BAG1: variants seen among roughly 807,000 people sequenced by gnomAD.
BAG1 encodes BAG cochaperone 1, also known as BAG family molecular chaperone regulator 1.
In BAG1, 35 loss-of-function variants were observed where a neutral mutation model predicts 35.5. That is an observed-to-expected ratio of 0.99 (90% CI 0.75 to 1.31). The LOEUF is 1.31. BAG1 is among the 50% of genes most tolerant of loss of function. The pLI is 0.00. For synonymous variants in BAG1, 191 were observed against 178.9 expected (o/e 1.07, Z -0.54); for missense variants, 464 against 453.6 (o/e 1.02, Z -0.21).
At position 33,264,498 on chromosome 9, in the gene BAG1, G is replaced by A. The variant is rs1820665886; in HGVS notation, c.177C>T (p.Pro59=). 1 of 1,608,454 alleles carries A rather than the reference G, an allele frequency of 6.2e-7. No individual in the cohort carries two copies. Among genetic ancestry groups the A allele is most frequent in the African/African-American group, 1.3e-5 (1 of 74,860 alleles). The change falls in exon 1 of 7, where the codon CCC becomes CCT. Residue 59 remains proline, a synonymous_variant. Transcript: ENST00000634734. ...GAGCGCCGGCGGCGGCGCCCCTGGT[G>A]GGTCGGTCATGCCCGCTGGCAGTAC...
rs12340788 is a variant in BAG1, at chr9:33,262,077, G to A, written c.580+625C>T. ...TGCAAAAATAGCAGGGAGTACCATG[G>A]TAACATATAATGGGAAGATGATCTA... is the stretch of plus-strand genomic sequence containing the variant. On this transcript the variant is annotated intron_variant, in intron 2 of 6. Transcript: ENST00000634734. The A allele has an allele frequency of 0.015, 18,942 of 1,269,618 alleles. 1,549 individuals carry two copies. The African/African-American group carries it at 0.21, about 14-fold the overall frequency. 78.6% of individuals were successfully genotyped at this position (1,269,618 alleles called of 1,614,324 possible). A position where few individuals can be genotyped will look rare whatever the true frequency, so the allele number is the denominator to read the frequency against.
intron 2 of BAG1, among the ~76,000 whole-genome samples, chr9:33,261,439 G>A (rs577928367): frequency 1.7e-3 from 257 of 152,248 alleles, no homozygotes; most frequent in Middle Eastern, 3.4e-3. Context: ...TCAGGAATCA[G>A]GGACCAACGA....
intron 3 of BAG1, 80 bp from the exon 4 acceptor site, chr9:33,259,113 C>T (rs774985268): frequency 4.6e-5 from 54 of 1,178,402 alleles, no homozygotes; most frequent in African/African-American, 7.6e-5. Context: ...GTAATCCCAG[C>T]ACTTTGGGAG....
chr9:33,255,412 T>G (rs1410673790), intron 6 of BAG1, 104 bp from the exon 7 acceptor site: 1 of 1,554,028 alleles, frequency 6.4e-7, no homozygotes, highest in African/African-American at 1.4e-5. Flanking sequence ...TGGCTGAGAC[T>G]CAAAACAGAT....
chr9:33,264,284 T>TCCGGGTCGACTCCTCGTC lies in BAG1; in HGVS notation c.373_390dup (p.Asp125_Arg130dup), dbSNP rs749492130. 1.9e-6 allele frequency: 3 copies of TCCGGGTCGACTCCTCGTC among 1,613,782 alleles called. No homozygotes were observed. Among genetic ancestry groups the TCCGGGTCGACTCCTCGTC allele is most frequent in the Non-Finnish European group, 2.5e-6 (3 of 1,179,990 alleles). On this transcript the variant is annotated inframe_insertion, in exon 1 of 7. Coordinates refer to ENST00000634734, the MANE Select transcript of BAG1 (RefSeq NM_004323.6). ...ATTTCCTCCCTGGTCACCTCCTCGCTCCGGGTCGACTCCTCGTCCCGGGTC... is the reference window on the plus strand; with the variant it reads ...ATTTCCTCCCTGGTCACCTCCTCGCTCCGGGTCGACTCCTCGTCCCGGGTCGACTCCTCGTCCCGGGTC...
chr9:33,255,772 C>G, intron 6 of BAG1, 93 bp downstream of exon 6: 2 of 1,410,322 alleles, frequency 1.4e-6, no homozygotes, highest in Admixed American at 3.4e-5. Flanking sequence ...ATACCACACA[C>G]CACGCTCCTA....
chr9:33,261,811 A>T, intron 2 of BAG1: 2 of 900,674 alleles, frequency 2.2e-6, no homozygotes, highest in Non-Finnish European at 2.7e-6. Context: ...GGGGGTGGGA[A>T]GACAGAGGGC....
chr9:33,261,803 G>T, intron 2 of BAG1: 3 of 852,974 alleles, frequency 3.5e-6, no homozygotes, highest in Non-Finnish European at 4.2e-6. Context: ...ATTCTCAGGG[G>T]GGTGGGAAGA....
At chr9:33,260,302 G>A (rs981093580) in intron 3 of BAG1, 1 of 152,218 alleles carries the variant, frequency 6.6e-6, no homozygotes, top group African/African-American at 2.4e-5. Flanking sequence ...AAGAAATTTA[G>A]AATATTTCCC....
chr9:33,256,804 T>C lies in BAG1; in HGVS notation c.882A>G (p.Thr294=), dbSNP rs771240750. ...TCTCAGCTGAATATTTACTTACCAG[T>C]GTGTCAATCTCCTCCAAGATCTTCA... is the stretch of plus-strand genomic sequence containing the variant. The change falls in exon 5 of 7, where the codon ACA becomes ACG. Residue 294 remains threonine (T), a synonymous_variant. Coordinates refer to ENST00000634734, the MANE Select transcript of BAG1 (RefSeq NM_004323.6). The C allele has an allele frequency of 8.1e-6, 13 of 1,611,160 alleles. No homozygotes were observed. Among genetic ancestry groups the C allele is most frequent in the African/African-American group, 1.3e-5 (1 of 74,904 alleles).
chr9:33,258,324 C>G (rs1343260946), intron 4 of BAG1, among the ~76,000 whole-genome samples: 1 of 121,376 alleles, frequency 8.2e-6, no homozygotes, highest in Non-Finnish European at 1.8e-5. Context: ...AAAAAAAAAG[C>G]CAAAACACAA....
rs1456826626 is a variant in BAG1 at position 33,252,541 on chromosome 9, T to C, written c.*2678A>G. The C allele has an allele frequency of 1.4e-5, 2 of 146,532 alleles. No homozygotes were observed. Among genetic ancestry groups the C allele is most frequent in the African/African-American group, 5.1e-5 (2 of 39,310 alleles). 9.1% of individuals were successfully genotyped at this position (146,532 alleles called of 1,614,324 possible). A position where few individuals can be genotyped will look rare whatever the true frequency, so the allele number is the denominator to read the frequency against. On this transcript the variant is annotated 3_prime_UTR_variant, in exon 7 of 7. Coordinates refer to ENST00000634734, the MANE Select transcript of BAG1 (RefSeq NM_004323.6). ...TATAACAAGTTATGCTTGTTATATA[T>C]GTTATATATGTTATGTTATATATAT...
rs967001362 is a variant in BAG1, at chr9:33,253,755, A to G, written c.*1464T>C. On this transcript the variant is annotated 3_prime_UTR_variant, in exon 7 of 7. Coordinates refer to ENST00000634734, the MANE Select transcript of BAG1 (RefSeq NM_004323.6). Reference sequence around the variant, plus strand: ...ACTAGAGCCACAGAATGATTTCCTCATTAATCCAAAAAAAAAAAAAAAAGC... The same window carrying G: ...ACTAGAGCCACAGAATGATTTCCTCGTTAATCCAAAAAAAAAAAAAAAAGC... 5.4e-5 allele frequency: 7 copies of G among 128,642 alleles called. No individual in the cohort carries two copies. The highest frequency in any genetic ancestry group is 9.5e-5 in the Non-Finnish European group (6 of 63,230). 8.0% of individuals were successfully genotyped at this position (128,642 alleles called of 1,614,324 possible).
chr9:33,258,959 C>T lies in BAG1; in HGVS notation c.738G>A (p.Gln246=), dbSNP rs749449480. 8.7e-6 allele frequency: 14 copies of T among 1,614,192 alleles called. No homozygotes were observed. In the South Asian group the frequency reaches 1.3e-4, roughly 15 times the overall value. ...TAAGCTCTTTATTCAACTCTTCCAGCTGGTCAGCTATCTTCTCCACAGACT... is the reference window on the plus strand; with the variant it reads ...TAAGCTCTTTATTCAACTCTTCCAGTTGGTCAGCTATCTTCTCCACAGACT... Residue 246 remains glutamine, a synonymous_variant, in exon 4 of 7, where the codon CAG becomes CAA. Coordinates refer to ENST00000634734, the MANE Select transcript of BAG1 (RefSeq NM_004323.6).
At position 33,253,662 on chromosome 9, in the gene BAG1, T is replaced by C. The variant is rs1820383231; in HGVS notation, c.*1557A>G. Reference sequence around the variant, plus strand: ...CTTCAACGACTCTCTCTCTGCCAAATGATGTGAGTCTTTAGGTAGAGTTAT... The same window carrying C: ...CTTCAACGACTCTCTCTCTGCCAAACGATGTGAGTCTTTAGGTAGAGTTAT... On this transcript the variant is annotated 3_prime_UTR_variant, in exon 7 of 7. Coordinates refer to ENST00000634734, the MANE Select transcript of BAG1 (RefSeq NM_004323.6). The C allele has an allele frequency of 6.6e-6, 1 of 151,504 alleles. No homozygotes were observed. The highest frequency in any genetic ancestry group is 2.1e-4 in the South Asian group (1 of 4,804). The allele number at this position is 151,504 out of a possible 1,614,324, so 9.4% of individuals were successfully genotyped here.
intron 3 of BAG1, 33 bp downstream of exon 3, chr9:33,261,054 T>C (rs772237593): frequency 3.9e-6 from 6 of 1,556,048 alleles, no homozygotes; most frequent in Non-Finnish European, 5.3e-6. Flanking sequence ...AGTCATTTGA[T>C]TCTGAGGATT....
At chr9:33,264,178 G>C in intron 1 of BAG1, 46 bp downstream of exon 1, 1 of 1,540,584 alleles carries the variant, frequency 6.5e-7, no homozygotes, top group Non-Finnish European at 8.7e-7. Context: ...AGACCCCGCC[G>C]GGCTTTCGGG....
chr9:33,259,652 ACCAAGACTGAAGCCTGGAGGGT>A (rs1195999349), intron 3 of BAG1: 1 of 152,242 alleles, frequency 6.6e-6, no homozygotes, highest in Non-Finnish European at 1.5e-5. Context: ...CTGATCAACA[ACCAAGACTGAAGCCTGGAGGGT>A]AATCACATTT....
At chr9:33,256,561 A>C (rs757958983) in intron 5 of BAG1, among the ~76,000 whole-genome samples, 1 of 152,242 alleles carries the variant, frequency 6.6e-6, no homozygotes, top group Admixed American at 6.5e-5. Context: ...ACTGGCAAAC[A>C]TAAGTGTAAA....
Sources: gnomAD v4.1 joint callset for allele counts (sites outside exome capture counted in the v4.1 genomes callset) on GRCh38, gnomAD v4.1.1 for gene constraint, MANE v1.5 for transcripts, NCBI Gene and HGNC (gene_info 2026-07-23, HGNC 2026-07-21) for gene names.